WFDC10B: variants seen among roughly 807,000 people sequenced by gnomAD.
WFDC10B encodes the protein protein WFDC10B.
Under a neutral mutation model 2.7 loss-of-function variants are expected in WFDC10B, and 1 was observed. That is an observed-to-expected ratio of 0.38 (90% CI 0.13 to 1.79). The LOEUF is 1.79. Ranked by LOEUF, WFDC10B falls within the 40% of genes most tolerant of loss-of-function variation. WFDC10B has a pLI of 0.33. For synonymous variants in WFDC10B, 26 were observed against 32.2 expected (o/e 0.81, Z 0.65); for missense variants, 71 against 87.8 (o/e 0.81, Z 0.76).
At chr20:45,702,786 C>A (rs1005714248) in intron 2 of WFDC10B, among the ~76,000 whole-genome samples, 1 of 152,196 alleles carries the variant, frequency 6.6e-6, no homozygotes, top group Non-Finnish European at 1.5e-5. Context: ...GCCACCACTG[C>A]CCAGCTCAAC....
chr20:45,688,659 C>A (rs6017648), intron 2 of WFDC10B, among the ~76,000 whole-genome samples: 1 of 150,722 alleles, frequency 6.6e-6, no homozygotes, highest in African/African-American at 2.4e-5. Flanking sequence ...AGTGTCTGTT[C>A]ATGTCCTTCG....
intron 2 of WFDC10B, among the ~76,000 whole-genome samples, chr20:45,701,710 A>G (rs1412718738): frequency 6.6e-6 from 1 of 151,152 alleles, no homozygotes; most frequent in Non-Finnish European, 1.5e-5. Context: ...TGCAGTGAGC[A>G]GAGATCGCAC....
chr20:45,702,330 C>A (rs1393490892), intron 2 of WFDC10B: 1 of 1,052,610 alleles, frequency 9.5e-7, no homozygotes, highest in Non-Finnish European at 1.4e-6. Flanking sequence ...AGGGCCCAAG[C>A]TTTATTGTTG....
intron 2 of WFDC10B, among the ~76,000 whole-genome samples, chr20:45,688,301 T>C (rs1438785341): frequency 1.3e-5 from 2 of 152,002 alleles, no homozygotes; most frequent in Admixed American, 1.3e-4. Flanking sequence ...TGGTTCCAAG[T>C]CTTTGCTATT....
chr20:45,690,475 T>C (rs966726009), intron 2 of WFDC10B, among the ~76,000 whole-genome samples: 95 of 151,718 alleles, frequency 6.3e-4, no homozygotes, highest in Admixed American at 2.6e-3. Context: ...GGTCCTGGAC[T>C]CTTTTTGGTT....
chr20:45,704,867 C>T, intron 1 of WFDC10B, 51 bp downstream of exon 1: 2 of 1,585,362 alleles, frequency 1.3e-6, no homozygotes, highest in Non-Finnish European at 1.7e-6. Flanking sequence ...TGCCTTTATC[C>T]ACAGACCTTC....
chr20:45,698,685 G>A (rs1329943274), intron 2 of WFDC10B, among the ~76,000 whole-genome samples: 7 of 151,826 alleles, frequency 4.6e-5, no homozygotes, highest in East Asian at 1.9e-4. Context: ...GCTCAATATC[G>A]GCTGGGCACG....
chr20:45,693,543 T>G (rs2145638082), intron 2 of WFDC10B, among the ~76,000 whole-genome samples: 1 of 152,080 alleles, frequency 6.6e-6, no homozygotes, highest in African/African-American at 2.4e-5. Context: ...TGGGCGCCCC[T>G]CCCCCAGCCT....
chr20:45,699,976 C>T (rs1267082443), intron 2 of WFDC10B, among the ~76,000 whole-genome samples: 1 of 152,164 alleles, frequency 6.6e-6, no homozygotes, highest in African/African-American at 2.4e-5. Context: ...CGCACCCAGC[C>T]GTGCATTTAT....
chr20:45,704,301 G>A, intron 2 of WFDC10B, 196 bp downstream of exon 2: 3 of 1,106,824 alleles, frequency 2.7e-6, no homozygotes, highest in Non-Finnish European at 3.8e-6. Context: ...AGCAGCTGAG[G>A]ACAAAACCTG....
At chr20:45,687,379 A>G (rs1157450701) in intron 2 of WFDC10B, among the ~76,000 whole-genome samples, 3 of 152,106 alleles carry the variant, frequency 2.0e-5, no homozygotes, top group Non-Finnish European at 4.4e-5. Context: ...TCCATGGTGT[A>G]TATGTACCAT....
intron 2 of WFDC10B, among the ~76,000 whole-genome samples, chr20:45,686,873 C>A (rs768906422): frequency 1.2e-4 from 19 of 152,124 alleles, no homozygotes; most frequent in Non-Finnish European, 2.4e-4. Context: ...GTTGGCCAGG[C>A]TGGTCTTGAA....
intron 2 of WFDC10B, among the ~76,000 whole-genome samples, chr20:45,687,347 TC>T (rs1264729226): frequency 1.3e-5 from 2 of 152,138 alleles, no homozygotes; most frequent in Non-Finnish European, 2.9e-5. Flanking sequence ...ATGATCTCAT[TC>T]CTTTTTATGC....
rs368775627 is a variant in WFDC10B, at chr20:45,704,920, G to T, written c.-132C>A. ...CCCTTATCCCAGGGACACTGTACCT[G>T]CAGGTGTAACCAAAATCCCAAAGCA... On this transcript the variant is annotated splice_region_variant and 5_prime_UTR_variant, in exon 1 of 4. An upstream open reading frame in the 5' UTR gains an earlier in-frame stop. Transcript: ENST00000330523. 9.3e-6 allele frequency: 15 copies of T among 1,613,820 alleles called. No homozygotes were observed. The African/African-American group carries it at 2.0e-4, about 22-fold the overall frequency.
At chr20:45,695,381 G>T (rs553345920) in intron 2 of WFDC10B, among the ~76,000 whole-genome samples, 1 of 152,224 alleles carries the variant, frequency 6.6e-6, no homozygotes, top group South Asian at 2.1e-4. Flanking sequence ...AGAACATGTA[G>T]ACAGAAAAAT....
At chr20:45,689,441 A>G (rs931233172) in intron 2 of WFDC10B, among the ~76,000 whole-genome samples, 2 of 151,936 alleles carry the variant, frequency 1.3e-5, no homozygotes, top group Non-Finnish European at 2.9e-5. Flanking sequence ...CAGTATGGCC[A>G]TTTTCATGAT....
chr20:45,689,152 G>T (rs1409148396), intron 2 of WFDC10B, among the ~76,000 whole-genome samples: 2 of 147,674 alleles, frequency 1.4e-5, no homozygotes, highest in African/African-American at 5.1e-5. Context: ...GATAGTTGTA[G>T]ATATGTGGCG....
intron 2 of WFDC10B, among the ~76,000 whole-genome samples, chr20:45,697,379 ATTTTTTTTTTT>A (rs869059383): frequency 1.8e-5 from 2 of 114,010 alleles, no homozygotes; most frequent in Admixed American, 1.0e-4. Flanking sequence ...ACATCCCATC[ATTTTTTTTTTT>A]TTTTTTTTTT....
intron 2 of WFDC10B, among the ~76,000 whole-genome samples, chr20:45,696,869 G>A (rs1035680538): frequency 6.6e-6 from 1 of 151,988 alleles, no homozygotes; most frequent in African/African-American, 2.4e-5. Context: ...CCTTCTCAAA[G>A]TTTTCCAATC....
Sources: gnomAD v4.1 joint callset for allele counts (sites outside exome capture counted in the v4.1 genomes callset) on GRCh38, gnomAD v4.1.1 for gene constraint, MANE v1.5 for transcripts, NCBI Gene and HGNC (gene_info 2026-07-23, HGNC 2026-07-21) for gene names.